Variants in WDR72 observed in about 807,000 individuals in gnomAD.
WDR72 encodes WD repeat-containing protein 72.
A neutral mutation model predicts 124.2 loss-of-function variants in WDR72; 120 were observed. The observed-to-expected ratio is 0.97, with a 90% CI of 0.83 to 1.12. The LOEUF (loss-of-function observed/expected upper bound fraction) is 1.12. WDR72 is among the 50% of genes most tolerant of loss of function. The pLI is 0.00. For synonymous variants in WDR72, 452 were observed against 441.7 expected, an observed-to-expected ratio of 1.02 and a Z score of -0.29; for missense variants, 1,387 against 1,278.8, an observed-to-expected ratio of 1.08 and a Z score of -1.29.
chr15:53,689,821 G>A (rs572038745), intron 13 of WDR72, among the ~76,000 whole-genome samples: 1 of 152,068 alleles, frequency 6.6e-6, no homozygotes, highest in Non-Finnish European at 1.5e-5. Flanking sequence ...CAACCCAGAT[G>A]TCCAACAGTG....
At chr15:53,529,720 T>TA (rs1183735791) in intron 18 of WDR72, among the ~76,000 whole-genome samples, 1 of 152,020 alleles carries the variant, frequency 6.6e-6, no homozygotes, top group African/African-American at 2.4e-5. Context: ...AGAATCAGTA[T>TA]ACTCCCAACT....
chr15:53,728,727 T>C (rs965011683), intron 2 of WDR72, among the ~76,000 whole-genome samples: 2 of 152,120 alleles, frequency 1.3e-5, no homozygotes, highest in Non-Finnish European at 2.9e-5. Context: ...AAGCAATCAA[T>C]GCCAGAAAAC....
chr15:53,564,611 A>C (rs138934315), intron 18 of WDR72, among the ~76,000 whole-genome samples: 5 of 152,006 alleles, frequency 3.3e-5, no homozygotes, highest in African/African-American at 9.6e-5. Context: ...TCTGTGTCTA[A>C]ATTTTCTGTA....
upstream of WDR72, chr15:53,762,680 C>T (rs563749228): frequency 6.6e-6 from 1 of 152,358 alleles, no homozygotes; most frequent in African/African-American, 2.4e-5. Context: ...CCATAGTTTT[C>T]ATAGTCGCAA....
In WDR72 at chr15:53,523,326, T is replaced by C. The variant is rs1566940510; in HGVS notation, c.3149-4A>G. 6.3e-7 allele frequency: 1 copy of C among 1,593,482 alleles called. No homozygotes were observed. Among genetic ancestry groups the C allele is most frequent in the East Asian group, 2.2e-5 (1 of 44,556 alleles). On this transcript the variant is annotated splice_polypyrimidine_tract_variant and splice_region_variant and intron_variant, in intron 18 of 19. Coordinates refer to ENST00000360509, the MANE Select transcript of WDR72 (RefSeq NM_182758.4). ...TGCTTGACCGGGCTGACTGGAGCTATTAAAAGAGAGAGAGAGAGAGAGAGA... is the reference window on the plus strand; with the variant it reads ...TGCTTGACCGGGCTGACTGGAGCTACTAAAAGAGAGAGAGAGAGAGAGAGA...
intron 18 of WDR72, among the ~76,000 whole-genome samples, chr15:53,587,614 C>T (rs1226405849): frequency 3.9e-5 from 6 of 152,048 alleles, no homozygotes; most frequent in Middle Eastern, 3.4e-3. Context: ...TTCAAGGGAG[C>T]ATTACAAAAT....
At chr15:53,755,902 G>A (rs919747394) in intron 1 of WDR72, among the ~76,000 whole-genome samples, 2 of 152,184 alleles carry the variant, frequency 1.3e-5, no homozygotes, top group African/African-American at 4.8e-5. Flanking sequence ...AATAGAAAAG[G>A]TAGTCTCTAT....
intron 18 of WDR72, among the ~76,000 whole-genome samples, chr15:53,552,093 T>C (rs1347916203): frequency 6.6e-6 from 1 of 151,996 alleles, no homozygotes; most frequent in Non-Finnish European, 1.5e-5. Context: ...CTGACATTTT[T>C]AGACTATCCT....
intron 18 of WDR72, among the ~76,000 whole-genome samples, chr15:53,531,300 T>G (rs1461711614): frequency 7.4e-6 from 1 of 135,954 alleles, no homozygotes; most frequent in Non-Finnish European, 1.7e-5. Flanking sequence ...GATAACGCAA[T>G]CAGTAGTGAG....
At chr15:53,601,759 A>G (rs745618030) in intron 17 of WDR72, among the ~76,000 whole-genome samples, 1 of 152,162 alleles carries the variant, frequency 6.6e-6, no homozygotes, top group Non-Finnish European at 1.5e-5. Flanking sequence ...ATTATTACAT[A>G]AGGGTAAAGG....
rs1444443603 is a variant in WDR72, at chr15:53,516,889, T to C, written c.*810A>G. 1 of 152,016 alleles carries C rather than the reference T, an allele frequency of 6.6e-6. No individual in the cohort carries two copies. The highest frequency in any genetic ancestry group is 2.4e-5 in the African/African-American group (1 of 41,424). The allele number at this position is 152,016 out of a possible 1,614,324, so 9.4% of individuals were successfully genotyped here. A position where few individuals can be genotyped will look rare whatever the true frequency, so the allele number is the denominator to read the frequency against. On this transcript the variant is annotated 3_prime_UTR_variant, in exon 20 of 20. Transcript: ENST00000360509. ...TTTATGCTGTTTGATATATTTCAGT[T>C]TTAGAATTCCTGCTAGTCAAGCTTC...
intron 14 of WDR72, among the ~76,000 whole-genome samples, chr15:53,650,893 G>GTT (rs71297666): frequency 0.019 from 2,047 of 106,746 alleles, 108 homozygotes; most frequent in African/African-American, 0.069. Context: ...CTCTAATTCA[G>GTT]TTTTTTTTTT....
chr15:53,665,085 A>G (rs966011213), intron 14 of WDR72, among the ~76,000 whole-genome samples: 36 of 152,232 alleles, frequency 2.4e-4, no homozygotes, highest in African/African-American at 8.7e-4. Context: ...ATGAGAATAA[A>G]TGCCAACTCC....
chr15:53,733,901 T>C (rs945127238), intron 1 of WDR72, among the ~76,000 whole-genome samples: 5 of 152,156 alleles, frequency 3.3e-5, no homozygotes, highest in African/African-American at 1.2e-4. Context: ...TCTCCCCAAA[T>C]TGTCATTCCT....
At chr15:53,754,149 G>A (rs1247634987) in intron 1 of WDR72, among the ~76,000 whole-genome samples, 1 of 152,082 alleles carries the variant, frequency 6.6e-6, no homozygotes, top group Non-Finnish European at 1.5e-5. Flanking sequence ...TTAGACTAAA[G>A]ACTGTTTAGT....
rs183767892 is a variant in WDR72 at position 53,565,941 on chromosome 15, G to A, written c.3148+31138C>T. 3.2e-3 allele frequency among the ~76,000 whole-genome samples: 488 copies of A among 152,064 alleles called. 2 individuals are homozygous for A. Among genetic ancestry groups the A allele is most frequent in the Non-Finnish European group, 5.1e-3 (347 of 67,936 alleles). ...GTTAGACTTTATCTTTGGAACACTA[G>A]AGCATAAATCAAGGGTTTTAAGAGA... On this transcript the variant is annotated intron_variant, in intron 18 of 19. Transcript: ENST00000360509.
intron 2 of WDR72, among the ~76,000 whole-genome samples, chr15:53,728,915 T>C (rs533036855): frequency 2.0e-5 from 3 of 152,156 alleles, no homozygotes; most frequent in Non-Finnish European, 4.4e-5. Flanking sequence ...CTAGCTCCCC[T>C]GTGCCCTGCC....
At chr15:53,732,121 T>C (rs2018219434) in intron 2 of WDR72, among the ~76,000 whole-genome samples, 1 of 152,206 alleles carries the variant, frequency 6.6e-6, no homozygotes, top group Non-Finnish European at 1.5e-5. Flanking sequence ...TTCAAGAACG[T>C]TCATTAACAT....
intron 18 of WDR72, among the ~76,000 whole-genome samples, chr15:53,563,888 G>C (rs149664124): frequency 3.3e-5 from 5 of 151,790 alleles, no homozygotes; most frequent in African/African-American, 1.2e-4. Flanking sequence ...CAGCAATCTT[G>C]GGCTGACCTA....
Sources: gnomAD v4.1 joint callset for allele counts (sites outside exome capture counted in the v4.1 genomes callset) on GRCh38, gnomAD v4.1.1 for gene constraint, MANE v1.5 for transcripts, NCBI Gene and HGNC (gene_info 2026-07-23, HGNC 2026-07-21) for gene names.